The following FRYL variants were observed in gnomAD, a reference collection of about 807,000 sequenced individuals.
The protein encoded by FRYL is FRY like transcription coactivator.
FRYL carries 150 observed loss-of-function variants against 351.2 expected under a neutral mutation model. The ratio of observed to expected loss-of-function variants is 0.43; its 90% CI spans 0.37 to 0.49. The LOEUF (loss-of-function observed/expected upper bound fraction) is 0.49, where lower values mean the gene tolerates loss of function less well. FRYL is among the 20% of genes least tolerant of loss of function. The pLI, the probability that FRYL is intolerant of heterozygous loss-of-function variation, is 0.00. For synonymous variants in FRYL, 1,153 were observed against 1,257.1 expected, an observed-to-expected ratio of 0.92 and a Z score of 1.75; for missense variants, 3,036 against 3,619.3, an observed-to-expected ratio of 0.84 and a Z score of 4.13.
intron 7 of FRYL, 27 bp from the exon 8 acceptor site, chr4:48,609,850 A>G (rs1177014412): frequency 7.7e-7 from 1 of 1,290,516 alleles, no homozygotes; most frequent in Non-Finnish European, 1.1e-6. Flanking sequence ...TTATCAAGTA[A>G]GAGTTAAATT....
At position 48,606,521 on chromosome 4, in the gene FRYL, TGACACTTTGTACCACATGTG is replaced by T; in HGVS notation, c.638_657del (p.Pro213HisfsTer21). On this transcript the variant is annotated frameshift_variant, in exon 10 of 64. Coordinates refer to ENST00000358350, the MANE Select transcript of FRYL (RefSeq NM_015030.2). LOFTEE classifies it high-confidence loss of function. ...AATTTCATTCCCATTATTAAGCTGA[TGACACTTTGTACCACATGTG>T]GGCTTTGTTCCTTTTGTCGCAGTTC... 1 of 1,613,360 alleles carries T rather than the reference TGACACTTTGTACCACATGTG, an allele frequency of 6.2e-7. No homozygotes were observed. The highest frequency in any genetic ancestry group is 8.5e-7 in the Non-Finnish European group (1 of 1,179,392).
chr4:48,540,134 AT>A (rs1729840668), intron 46 of FRYL, 66 bp from the exon 47 acceptor site: 4 of 1,300,034 alleles, frequency 3.1e-6, no homozygotes, highest in East Asian at 2.5e-5. Flanking sequence ...AGTTAAAGTT[AT>A]TTTTTTAGAT....
At chr4:48,768,406 G>C (rs1775175874) in intron 1 of FRYL, among the ~76,000 whole-genome samples, 1 of 152,078 alleles carries the variant, frequency 6.6e-6, no homozygotes, top group African/African-American at 2.4e-5. Flanking sequence ...AAAAATATAA[G>C]GTAAAAAAGT....
intron 62 of FRYL, 87 bp downstream of exon 62, chr4:48,501,536 G>T: frequency 1.3e-6 from 1 of 772,028 alleles, no homozygotes; most frequent in East Asian, 2.6e-5. Flanking sequence ...AGTGACTTTT[G>T]ACTTAAGCTA....
chr4:48,634,387 T>C lies in FRYL; in HGVS notation c.24A>G (p.Pro8=). ...TGACATATTCACCAGGTTTGACATC[T>C]GGGTCAATCGTAATGTTTGACATGA... MSNITID[P]DVKPGEYVIK... The change falls in exon 4 of 64, where the codon CCA becomes CCG. Residue 8 remains proline, a synonymous_variant. Transcript: ENST00000358350. The C allele has an allele frequency of 6.2e-7, 1 of 1,612,816 alleles. No individual in the cohort carries two copies. Among genetic ancestry groups the C allele is most frequent in the Non-Finnish European group, 8.5e-7 (1 of 1,178,872 alleles).
intron 3 of FRYL, chr4:48,681,235 G>T: frequency 2.8e-6 from 1 of 362,736 alleles, no homozygotes; most frequent in Non-Finnish European, 4.3e-6. Context: ...GCAAATAAAC[G>T]TCATATGAAT....
At chr4:48,702,134 A>G (rs1766785909) in intron 2 of FRYL, among the ~76,000 whole-genome samples, 1 of 152,056 alleles carries the variant, frequency 6.6e-6, no homozygotes, top group African/African-American at 2.4e-5. Flanking sequence ...AATTCAACGT[A>G]TATCTACTGG....
chr4:48,734,006 A>G (rs960299279), intron 1 of FRYL, among the ~76,000 whole-genome samples: 1 of 152,190 alleles, frequency 6.6e-6, no homozygotes, highest in African/African-American at 2.4e-5. Flanking sequence ...GGAACAAAGA[A>G]CAAGGGCAAC....
intron 4 of FRYL, among the ~76,000 whole-genome samples, chr4:48,623,606 G>A (rs142995876): frequency 1.3e-5 from 2 of 152,274 alleles, no homozygotes; most frequent in African/African-American, 2.4e-5. Flanking sequence ...AGAGGGCCTT[G>A]GTGTGACCTC....
chr4:48,631,217 T>C (rs935740225), intron 4 of FRYL, among the ~76,000 whole-genome samples: 8 of 152,078 alleles, frequency 5.3e-5, no homozygotes, highest in Non-Finnish European at 1.2e-4. Flanking sequence ...TCCTGGTGTG[T>C]CAGGAAGAGT....
rs550244658 is a variant in FRYL, at chr4:48,708,197, T to G, written c.-204+2322A>C. ...AGGAGGCTGAGGCAGGAGAATCGCT[T>G]GAACCCAGGAGGCGGAGGTTGCAGT... On this transcript the variant is annotated intron_variant, in intron 2 of 63. Transcript: ENST00000358350. 7.3e-5 allele frequency among the ~76,000 whole-genome samples: 11 copies of G among 151,624 alleles called. 1 individual carries two copies. In the South Asian group the frequency reaches 2.3e-3, roughly 32 times the overall value.
intron 2 of FRYL, among the ~76,000 whole-genome samples, chr4:48,696,103 G>A (rs1291068005): frequency 1.3e-5 from 2 of 152,164 alleles, no homozygotes; most frequent in Non-Finnish European, 2.9e-5. Context: ...TTCAACCATT[G>A]TGGAAGACAG....
chr4:48,501,726 T>G lies in FRYL; in HGVS notation c.8489A>C (p.Glu2830Ala). Residue 2830 changes from glutamate to alanine, a missense_variant, in exon 62 of 64, where the codon GAG becomes GCG. Around this residue, in one of 7 missense-constraint regions of FRYL, gnomAD observed 1,987 missense variants for 2,311.7 expected, o/e 0.86. Transcript: ENST00000358350. Reference protein sequence around the residue: ...AQQMEILAELELCRRLYKLHF... With the variant: ...AQQMEILAELALCRRLYKLHF... The stretch of plus-strand genomic sequence containing the variant: ...CAATTTGTATAATCTTCGGCAGAGC[T>G]CCAATTCCTAGAAATAAATAACATT... 1.9e-6 allele frequency: 3 copies of G among 1,572,180 alleles called. No individual in the cohort carries two copies. The highest frequency in any genetic ancestry group is 2.6e-6 in the Non-Finnish European group (3 of 1,143,514).
At chr4:48,635,719 C>T (rs1754085334) in intron 3 of FRYL, among the ~76,000 whole-genome samples, 2 of 152,180 alleles carry the variant, frequency 1.3e-5, no homozygotes, top group South Asian at 4.1e-4. Context: ...CCCATATCCT[C>T]TAACTTAGCT....
chr4:48,761,923 G>A (rs1774460546), intron 1 of FRYL, among the ~76,000 whole-genome samples: 1 of 152,126 alleles, frequency 6.6e-6, no homozygotes, highest in South Asian at 2.1e-4. Context: ...TAGGCGTATG[G>A]CTACATCTCT....
intron 27 of FRYL, among the ~76,000 whole-genome samples, chr4:48,568,190 G>C (rs1737269869): frequency 6.6e-6 from 1 of 152,168 alleles, no homozygotes; most frequent in Non-Finnish European, 1.5e-5. Flanking sequence ...GTTTGAGCCT[G>C]GGAGACCTGT....
intron 1 of FRYL, among the ~76,000 whole-genome samples, chr4:48,711,759 C>A (rs1252695404): frequency 6.6e-6 from 1 of 152,146 alleles, no homozygotes; most frequent in Non-Finnish European, 1.5e-5. Flanking sequence ...GGCAGACTGC[C>A]TCCTCAAGTG....
chr4:48,528,798 A>T (rs1726854986), intron 50 of FRYL, among the ~76,000 whole-genome samples: 1 of 152,186 alleles, frequency 6.6e-6, no homozygotes, highest in Non-Finnish European at 1.5e-5. Flanking sequence ...CAAATACTGA[A>T]GTAACAAAAG....
chr4:48,621,147 ATG>A (rs1230199260), intron 5 of FRYL, among the ~76,000 whole-genome samples: 1 of 152,248 alleles, frequency 6.6e-6, no homozygotes, highest in Non-Finnish European at 1.5e-5. Flanking sequence ...CTATGTGTTC[ATG>A]TGAACAAATG....
Sources: allele counts gnomAD v4.1 joint callset (sites outside exome capture counted in the v4.1 genomes callset), GRCh38; gene constraint gnomAD v4.1.1; regional missense constraint gnomAD v4.1.1; transcripts MANE v1.5; gene names NCBI Gene and HGNC (gene_info 2026-07-23, HGNC 2026-07-21).